CCSER1: variants seen among roughly 807,000 people sequenced by gnomAD.
The protein encoded by CCSER1 is serine-rich coiled-coil domain-containing protein 1.
A neutral mutation model predicts 82.0 loss-of-function variants in CCSER1; 41 were observed. The ratio of observed to expected loss-of-function variants is 0.50; its 90% CI spans 0.39 to 0.65. The LOEUF (loss-of-function observed/expected upper bound fraction) is 0.65, where lower values mean the gene tolerates loss of function less well. Among genes scored for constraint, CCSER1 ranks in the 30% least tolerant of loss-of-function variants. The probability of loss-of-function intolerance (pLI) is 0.00; values close to 1 mark genes in which losing one functional copy is unlikely to be tolerated. For synonymous variants in CCSER1, 414 were observed against 383.9 expected (o/e 1.08, Z -0.92); for missense variants, 1,119 against 1,064.2 (o/e 1.05, Z -0.72).
At chr4:90,614,876 C>CAGA (rs1720901139) in intron 5 of CCSER1, among the ~76,000 whole-genome samples, 1 of 152,186 alleles carries the variant, frequency 6.6e-6, no homozygotes, top group Non-Finnish European at 1.5e-5. Context: ...ACAAAACAGA[C>CAGA]AGAAGATGCC....
intron 1 of CCSER1, among the ~76,000 whole-genome samples, chr4:90,278,014 G>T (rs1415320263): frequency 1.3e-5 from 2 of 152,016 alleles, no homozygotes; most frequent in East Asian, 1.9e-4. Context: ...TAAAAAGGGG[G>T]CAAAGAACAT....
intron 8 of CCSER1, among the ~76,000 whole-genome samples, chr4:90,877,666 C>A (rs1297598278): frequency 6.8e-6 from 1 of 146,162 alleles, no homozygotes; most frequent in African/African-American, 2.5e-5. Flanking sequence ...TACCCAGATG[C>A]ATTTGATTGA....
intron 9 of CCSER1, among the ~76,000 whole-genome samples, chr4:91,032,355 T>C (rs1017611003): frequency 4.6e-5 from 7 of 152,180 alleles, no homozygotes; most frequent in Non-Finnish European, 8.8e-5. Context: ...GAAGCATCAT[T>C]TGTACTCTCA....
chr4:90,531,377 A>T (rs1024335374), intron 5 of CCSER1, among the ~76,000 whole-genome samples: 1 of 148,890 alleles, frequency 6.7e-6, no homozygotes, highest in African/African-American at 2.5e-5. Flanking sequence ...CCTTAGTGAG[A>T]TTCATACACT....
intron 1 of CCSER1, among the ~76,000 whole-genome samples, chr4:90,193,449 G>A (rs371291562): frequency 6.6e-6 from 1 of 152,106 alleles, no homozygotes; most frequent in South Asian, 2.1e-4. Context: ...AAAGAGTTAG[G>A]GTATCTTGGA....
intron 8 of CCSER1, among the ~76,000 whole-genome samples, chr4:90,900,902 C>T (rs1289609863): frequency 1.3e-5 from 2 of 151,770 alleles, no homozygotes; most frequent in Non-Finnish European, 2.9e-5. Flanking sequence ...TGCAGTTCCC[C>T]ACTACTATTG....
chr4:90,858,684 G>A (rs985086065), intron 8 of CCSER1, among the ~76,000 whole-genome samples: 5 of 151,744 alleles, frequency 3.3e-5, no homozygotes, highest in Non-Finnish European at 2.9e-5. Flanking sequence ...CCTTTACCAC[G>A]TCTATGGTCA....
intron 10 of CCSER1, among the ~76,000 whole-genome samples, chr4:91,377,114 A>G (rs1441615657): frequency 6.6e-6 from 1 of 152,008 alleles, no homozygotes; most frequent in Non-Finnish European, 1.5e-5. Flanking sequence ...ATTCCATGGT[A>G]TATATGTGTC....
chr4:90,781,514 A>C (rs907768581), intron 7 of CCSER1: 1 of 984,764 alleles, frequency 1.0e-6, no homozygotes, highest in Non-Finnish European at 1.2e-6. Context: ...TTATTTGATT[A>C]GATGTTAAAC....
Position 90,430,571 on chromosome 4 carries a change from A to C in CCSER1, c.1603+30442A>C, listed in dbSNP as rs115025751. On this transcript the variant is annotated intron_variant, in intron 4 of 10. Transcript: ENST00000509176. Reference sequence around the variant, plus strand: ...TGCCTCTCAGGGATTTAAATGTTTAAATATTTTAGCAGCCACACTGGTTAA... The same window carrying C: ...TGCCTCTCAGGGATTTAAATGTTTACATATTTTAGCAGCCACACTGGTTAA... Among the ~76,000 whole-genome samples, 766 of 152,052 alleles carry C rather than the reference A, an allele frequency of 5.0e-3. 4 individuals are homozygous for C. The highest frequency in any genetic ancestry group is 0.018 in the African/African-American group (734 of 41,552).
intron 9 of CCSER1, among the ~76,000 whole-genome samples, chr4:90,972,503 C>T (rs796336019): frequency 4.0e-5 from 6 of 151,552 alleles, no homozygotes; most frequent in African/African-American, 9.7e-5. Context: ...AACTATAAAA[C>T]GCTGATGAAA....
intron 5 of CCSER1, among the ~76,000 whole-genome samples, chr4:90,491,794 G>A (rs1337240322): frequency 1.3e-5 from 2 of 152,050 alleles, no homozygotes; most frequent in Non-Finnish European, 2.9e-5. Context: ...TTTGTCTTTG[G>A]TTCTGTTTAT....
At chr4:90,982,548 C>T (rs1736213016) in intron 9 of CCSER1, among the ~76,000 whole-genome samples, 1 of 151,566 alleles carries the variant, frequency 6.6e-6, no homozygotes, top group African/African-American at 2.4e-5. Flanking sequence ...ATATAGAATG[C>T]TAGATGAGAT....
chr4:91,126,322 A>G (rs1727513736), intron 10 of CCSER1, among the ~76,000 whole-genome samples: 1 of 151,868 alleles, frequency 6.6e-6, no homozygotes, highest in South Asian at 2.1e-4. Context: ...ACCTCAACAA[A>G]CAAGGCAAAC....
intron 10 of CCSER1, among the ~76,000 whole-genome samples, chr4:91,104,256 C>A (rs893644535): frequency 3.3e-5 from 5 of 152,120 alleles, no homozygotes; most frequent in Non-Finnish European, 5.9e-5. Flanking sequence ...TTTTGTTGGA[C>A]CCTTATCGGT....
At chr4:91,229,322 A>G (rs1206580878) in intron 10 of CCSER1, among the ~76,000 whole-genome samples, 1 of 151,788 alleles carries the variant, frequency 6.6e-6, no homozygotes, top group South Asian at 2.1e-4. Flanking sequence ...GTGAAGAAAC[A>G]TAAGTATATT....
intron 10 of CCSER1, among the ~76,000 whole-genome samples, chr4:91,192,599 A>T (rs1322037534): frequency 6.6e-6 from 1 of 151,942 alleles, no homozygotes; most frequent in Non-Finnish European, 1.5e-5. Flanking sequence ...CTGTCTCTGA[A>T]ATCTCCCATA....
intron 10 of CCSER1, among the ~76,000 whole-genome samples, chr4:91,146,480 G>A (rs1227023690): frequency 1.3e-5 from 2 of 152,158 alleles, no homozygotes; most frequent in Non-Finnish European, 2.9e-5. Context: ...ATTTTTGCAG[G>A]TAAGGAATCA....
At chr4:90,393,088 C>T (rs1458437914) in intron 3 of CCSER1, among the ~76,000 whole-genome samples, 1 of 152,216 alleles carries the variant, frequency 6.6e-6, no homozygotes, top group East Asian at 1.9e-4. Context: ...TTGCTCTTGA[C>T]TGTGTCAATG....
Sources: gnomAD v4.1 joint callset for allele counts (sites outside exome capture counted in the v4.1 genomes callset) on GRCh38, gnomAD v4.1.1 for gene constraint, MANE v1.5 for transcripts, NCBI Gene and HGNC (gene_info 2026-07-23, HGNC 2026-07-21) for gene names.